Variants in MROH2B observed in about 807,000 individuals in gnomAD.
The protein encoded by MROH2B is maestro heat-like repeat-containing protein family member 2B.
In MROH2B, 177 loss-of-function variants were observed where a neutral mutation model predicts 208.6. The observed-to-expected ratio is 0.85, with a 90% CI of 0.75 to 0.96. MROH2B has a LOEUF of 0.96. Among genes scored for constraint, MROH2B ranks in the 40% least tolerant of loss-of-function variants. The probability of loss-of-function intolerance (pLI) is 0.00; values close to 1 mark genes in which losing one functional copy is unlikely to be tolerated. For missense variants in MROH2B, 2,002 were observed against 1,878.7 expected (o/e 1.07, Z -1.21); for synonymous variants, 728 against 659.0 (o/e 1.10, Z -1.60).
chr5:41,028,294 C>T (rs576071091), intron 24 of MROH2B, among the ~76,000 whole-genome samples: 9 of 152,274 alleles, frequency 5.9e-5, no homozygotes, highest in South Asian at 2.1e-4. Context: ...ACCTCTGCCC[C>T]GTGGCAAGAG....
At chr5:41,007,557 G>T in intron 33 of MROH2B, 103 bp from the exon 34 acceptor site, 1 of 1,114,786 alleles carries the variant, frequency 9.0e-7, no homozygotes, top group Non-Finnish European at 1.2e-6. Context: ...CCCACCCCTG[G>T]ACTAGGGGAT....
At chr5:41,033,781 T>TTAGC in intron 22 of MROH2B, 57 bp downstream of exon 22, 1 of 770,634 alleles carries the variant, frequency 1.3e-6, no homozygotes, top group Admixed American at 3.1e-5. Context: ...CAGGGGGGCA[T>TTAGC]TATCTATCTA....
intron 30 of MROH2B, among the ~76,000 whole-genome samples, chr5:41,011,544 C>T (rs1333675892): frequency 1.3e-5 from 2 of 152,180 alleles, no homozygotes; most frequent in Admixed American, 1.3e-4. Flanking sequence ...TTTCAATGCC[C>T]TTAACACAAA....
intron 24 of MROH2B, among the ~76,000 whole-genome samples, chr5:41,024,261 C>T (rs13156644): frequency 3.9e-5 from 6 of 151,926 alleles, no homozygotes; most frequent in African/African-American, 1.5e-4. Context: ...AGAGTCAAGA[C>T]CCACCAGTGT....
intron 36 of MROH2B, 32 bp downstream of exon 36, chr5:41,004,742 A>C (rs1741519802): frequency 1.3e-6 from 2 of 1,598,730 alleles, no homozygotes; most frequent in Non-Finnish European, 1.7e-6. Flanking sequence ...ACTCTACTTA[A>C]ATGAACCATT....
At position 40,998,611 on chromosome 5, in the gene MROH2B, C is replaced by T. The variant is rs199539106; in HGVS notation, c.4651+1G>A. The T allele has an allele frequency of 2.1e-5, 33 of 1,593,450 alleles. No homozygotes were observed. Among genetic ancestry groups the T allele is most frequent in the Middle Eastern group, 1.7e-4 (1 of 6,054 alleles). ...TGGGAAGAAACTAGGTTGGTACTCA[C>T]GTGTGGTCAGTTGTTCTCTGTCTAG... On this transcript the variant is annotated splice_donor_variant, in intron 41 of 41. Transcript: ENST00000399564. LOFTEE classifies it high-confidence loss of function.
intron 21 of MROH2B, among the ~76,000 whole-genome samples, chr5:41,035,866 A>T (rs1382193225): frequency 6.6e-6 from 1 of 152,136 alleles, no homozygotes; most frequent in Non-Finnish European, 1.5e-5. Flanking sequence ...TGGGGAGAAA[A>T]GGGAATGTTT....
Position 41,000,727 on chromosome 5 carries a change from AG to A in MROH2B, c.4300del (p.Leu1434Ter). ...CCAAAGGTGCAGAAGGAATGAAATCAGGCTCTTTTTTATTTCTTCAGCAAAA... is the reference window on the plus strand; with the variant it reads ...CCAAAGGTGCAGAAGGAATGAAATCAGCTCTTTTTTATTTCTTCAGCAAAA... The part of the protein sequence containing the change: ...IFFAEEIKKS[L>X]ISFLLHLWDP... On this transcript the variant is annotated frameshift_variant, in exon 38 of 42. Transcript: ENST00000399564. LOFTEE classifies it high-confidence loss of function. The A allele has an allele frequency of 6.2e-7, 1 of 1,612,414 alleles. No individual in the cohort carries two copies. Among genetic ancestry groups the A allele is most frequent in the Non-Finnish European group, 8.5e-7 (1 of 1,179,308 alleles).
At chr5:41,014,346 C>T (rs11747455) in intron 29 of MROH2B, among the ~76,000 whole-genome samples, 57,433 of 151,916 alleles carry the variant, frequency 0.38, 11,350 homozygotes, top group Non-Finnish European at 0.44. Flanking sequence ...AAACAAGTTC[C>T]AAACACTGCA....
chr5:41,064,795 C>A lies in MROH2B; in HGVS notation c.362-225G>T, dbSNP rs182751009. ...TGAAAATAAGGTTCTAGCTACACAG[C>A]CACTTGTACCTCTTGTTAAGTGGCA... On this transcript the variant is annotated intron_variant, in intron 4 of 41. Transcript: ENST00000399564. Among the ~76,000 whole-genome samples, 317 of 152,270 alleles carry A rather than the reference C, an allele frequency of 2.1e-3. 2 individuals carry two copies. Among genetic ancestry groups the A allele is most frequent in the African/African-American group, 7.4e-3 (308 of 41,552 alleles).
In MROH2B at chr5:41,017,577, C is replaced by T. The variant is rs77157068; in HGVS notation, c.2884+273G>A. On this transcript the variant is annotated intron_variant, in intron 28 of 41. Transcript: ENST00000399564. ...ACAGAGCCACTGAGGAAAGATATAC[C>T]GGTTTCAGATCTAGGAGACAGATTC... is the stretch of plus-strand genomic sequence containing the variant. Among the ~76,000 whole-genome samples the T allele has an allele frequency of 3.4e-4, 51 of 152,074 alleles. 1 individual carries two copies. The highest frequency in any genetic ancestry group is 1.2e-3 in the African/African-American group (49 of 41,466).
intron 24 of MROH2B, among the ~76,000 whole-genome samples, chr5:41,024,361 C>CA (rs1286178007): frequency 6.6e-6 from 1 of 151,366 alleles, no homozygotes; most frequent in Non-Finnish European, 1.5e-5. Flanking sequence ...AAATGGAAAA[C>CA]AAAAAAAGGC....
rs1483613544 is a variant in MROH2B, at chr5:41,049,152, A to G, written c.1502-11T>C. On this transcript the variant is annotated splice_polypyrimidine_tract_variant and intron_variant, in intron 14 of 41. Transcript: ENST00000399564. ...GTGAAGGAAGTTTCACTAGAAAGAG[A>G]AAGCAATTTTCATCATCACTGCAGG... The G allele has an allele frequency of 1.2e-6, 2 of 1,601,816 alleles. No homozygotes were observed. Among genetic ancestry groups the G allele is most frequent in the Non-Finnish European group, 1.7e-6 (2 of 1,173,478 alleles).
chr5:41,015,335 A>G (rs768765335), intron 29 of MROH2B, 46 bp downstream of exon 29: 1 of 1,543,118 alleles, frequency 6.5e-7, no homozygotes, highest in East Asian at 2.2e-5. Flanking sequence ...TCATTTGGAA[A>G]TCAATCCAGA....
intron 16 of MROH2B, 90 bp downstream of exon 16, chr5:41,048,234 T>G: frequency 6.9e-5 from 98 of 1,415,608 alleles, no homozygotes; most frequent in Non-Finnish European, 8.5e-5. Context: ...TTGCCTAAAA[T>G]GAGCATTAAT....
intron 29 of MROH2B, among the ~76,000 whole-genome samples, chr5:41,013,566 G>C (rs977748219): frequency 2.6e-5 from 4 of 152,170 alleles, no homozygotes; most frequent in East Asian, 1.9e-4. Context: ...ATGATATTGA[G>C]AAAATATGAA....
At chr5:41,050,483 A>G (rs1743251646) in intron 13 of MROH2B, among the ~76,000 whole-genome samples, 1 of 152,174 alleles carries the variant, frequency 6.6e-6, no homozygotes, top group Non-Finnish European at 1.5e-5. Context: ...ATGAAGCTAG[A>G]TGAAGCCTCT....
At chr5:41,002,743 A>G (rs1439371532) in intron 37 of MROH2B, among the ~76,000 whole-genome samples, 2 of 152,168 alleles carry the variant, frequency 1.3e-5, no homozygotes, top group Non-Finnish European at 2.9e-5. Flanking sequence ...CTCTGATGAC[A>G]CTGGGCAACA....
Position 41,038,972 on chromosome 5 carries a change from C to T in MROH2B, c.2062-84G>A, listed in dbSNP as rs1742855349. On this transcript the variant is annotated intron_variant, in intron 20 of 41. Coordinates refer to ENST00000399564, the MANE Select transcript of MROH2B (RefSeq NM_173489.5). ...ATGTTTTTTTCCTAATCCTGTGGAC[C>T]ACTATAGGGGATAAGAAACTGGACT... 1.7e-5 allele frequency: 22 copies of T among 1,265,994 alleles called. No homozygotes were observed. The South Asian group carries it at 3.0e-4, about 17-fold the overall frequency. 78.4% of individuals were successfully genotyped at this position (1,265,994 alleles called of 1,614,324 possible).
Sources: allele counts gnomAD v4.1 joint callset (sites outside exome capture counted in the v4.1 genomes callset), GRCh38; gene constraint gnomAD v4.1.1; transcripts MANE v1.5; gene names NCBI Gene and HGNC (gene_info 2026-07-23, HGNC 2026-07-21).